Variants in MTR observed in about 807,000 individuals in gnomAD.
The protein encoded by MTR is 5-methyltetrahydrofolate-homocysteine methyltransferase.
In MTR, 84 loss-of-function variants were observed where a neutral mutation model predicts 154.8. The ratio of observed to expected loss-of-function variants is 0.54; its 90% confidence interval spans 0.45 to 0.65. MTR has a LOEUF of 0.65. MTR is among the 30% of genes least tolerant of loss of function. The pLI is 0.00. For missense variants in MTR, 1,275 were observed against 1,570.2 expected (o/e 0.81, Z 3.18); for synonymous variants, 554 against 553.9 (o/e 1.00, Z 0.00).
intron 12 of MTR, among the ~76,000 whole-genome samples, chr1:236,830,910 T>C (rs1662574342): frequency 6.6e-6 from 1 of 152,226 alleles, no homozygotes; most frequent in African/African-American, 2.4e-5. Context: ...CTGCCTCATA[T>C]CTGTTTCTTC....
chr1:236,815,632 T>C lies in MTR; in HGVS notation c.638T>C (p.Phe213Ser), dbSNP rs1365704680. ...KAALFALQNL[F>S]EEKYAPRPIF... Reference sequence around the variant, plus strand: ...GCCTTGTTTGCACTCCAAAATCTTTTTGAGGAGAAATATGCTCCCCGGCCT... The same window carrying C: ...GCCTTGTTTGCACTCCAAAATCTTTCTGAGGAGAAATATGCTCCCCGGCCT... The change falls in exon 7 of 33, where the codon TTT (phenylalanine) becomes TCT (serine). Residue 213 changes from phenylalanine to serine, a missense_variant. Phe to Ser is a radical substitution (Grantham distance 155). Transcript: ENST00000366577. The C allele has an allele frequency of 6.2e-7, 1 of 1,613,892 alleles. No individual in the cohort carries two copies.
intron 32 of MTR, 123 bp from the exon 33 acceptor site, chr1:236,897,435 C>G: frequency 1.0e-6 from 1 of 963,626 alleles, no homozygotes; most frequent in Non-Finnish European, 1.7e-6. Context: ...CCATTTAACT[C>G]TGTAGATTGC....
chr1:236,880,684 G>A (rs1009855342), intron 24 of MTR, 71 bp from the exon 25 acceptor site: 38 of 1,197,426 alleles, frequency 3.2e-5, no homozygotes, highest in Non-Finnish European at 4.5e-5. Flanking sequence ...ATCTCTAATG[G>A]CGCTGAACAA....
chr1:236,813,738 A>C (rs751831933), intron 6 of MTR, among the ~76,000 whole-genome samples: 4 of 151,954 alleles, frequency 2.6e-5, no homozygotes, highest in Non-Finnish European at 5.9e-5. Context: ...TGAGTCCTTT[A>C]CTGAGGAAAT....
intron 1 of MTR, among the ~76,000 whole-genome samples, chr1:236,802,237 AC>A (rs1293162922): frequency 6.6e-6 from 1 of 152,150 alleles, no homozygotes; most frequent in Non-Finnish European, 1.5e-5. Flanking sequence ...AGGAGATGAG[AC>A]AGAGAATATA....
intron 28 of MTR, among the ~76,000 whole-genome samples, chr1:236,890,779 G>A (rs1305055756): frequency 6.6e-6 from 1 of 152,236 alleles, no homozygotes; most frequent in African/African-American, 2.4e-5. Flanking sequence ...AGTCAGTGGA[G>A]TTGTATGTGC....
At chr1:236,831,194 TTAAATG>T (rs1456932260) in intron 12 of MTR, among the ~76,000 whole-genome samples, 1 of 152,180 alleles carries the variant, frequency 6.6e-6, no homozygotes, top group African/African-American at 2.4e-5. Context: ...TCCTAATACT[TTAAATG>T]TAATGAATAG....
intron 24 of MTR, among the ~76,000 whole-genome samples, chr1:236,880,029 C>T (rs551541061): frequency 7.2e-4 from 109 of 151,590 alleles, no homozygotes; most frequent in Non-Finnish European, 9.9e-4. Flanking sequence ...GGCATGGTGG[C>T]GGGTGCCTGT....
chr1:236,809,599 C>G (rs768910862), intron 4 of MTR, among the ~76,000 whole-genome samples: 11 of 152,320 alleles, frequency 7.2e-5, no homozygotes, highest in Non-Finnish European at 5.9e-5. Context: ...TCAGAGGACA[C>G]TGAACCAGCT....
At chr1:236,840,838 G>A (rs1477619596) in intron 15 of MTR, among the ~76,000 whole-genome samples, 3 of 152,118 alleles carry the variant, frequency 2.0e-5, no homozygotes, top group East Asian at 1.9e-4. Context: ...TTCATGCAGC[G>A]ATTTCCCCTT....
intron 5 of MTR, among the ~76,000 whole-genome samples, chr1:236,811,287 G>A (rs999770751): frequency 1.8e-4 from 28 of 152,088 alleles, no homozygotes; most frequent in African/African-American, 6.5e-4. Flanking sequence ...CTCACAACAC[G>A]CGGGAATTCA....
Position 236,816,563 on chromosome 1 carries a change from G to A in MTR, c.764+20G>A, listed in dbSNP as rs1308151046. 1 of 1,604,992 alleles carries A rather than the reference G, an allele frequency of 6.2e-7. No homozygotes were observed. Among genetic ancestry groups the A allele is most frequent in the East Asian group, 2.2e-5 (1 of 44,840 alleles). ...ACTCTGGTGAGTGATCCATCTTTCT[G>A]TAACTTCTTTTCTTTTTTGGGGAAC... On this transcript the variant is annotated intron_variant, in intron 8 of 32. Transcript: ENST00000366577.
intron 12 of MTR, 146 bp downstream of exon 12, chr1:236,829,414 G>T (rs545277835): frequency 5.2e-6 from 4 of 768,452 alleles, no homozygotes; most frequent in African/African-American, 5.2e-5. Context: ...ATGAATTCTA[G>T]TGAAGAACCC....
In MTR at chr1:236,808,751, C is replaced by T. The variant is rs575706892; in HGVS notation, c.387C>T (p.Ala129=). Reference sequence around the variant, plus strand: ...CTGCAGGAGTGGCCAGAAAAGCTGCCGAGGAGGTAACTCTCCAGACAGGTA... The same window carrying T: ...CTGCAGGAGTGGCCAGAAAAGCTGCTGAGGAGGTAACTCTCCAGACAGGTA... The part of the protein sequence containing the change: ...MCSAGVARKA[A]EEVTLQTGIK... Residue 129 remains alanine, a synonymous_variant, in exon 4 of 33, where the codon GCC becomes GCT. Transcript: ENST00000366577. The T allele has an allele frequency of 4.8e-5, 77 of 1,614,170 alleles. No homozygotes were observed. The East Asian group carries it at 1.1e-3, about 24-fold the overall frequency.
rs747724978 is a variant in MTR at position 236,803,528 on chromosome 1, G to A, written c.135G>A (p.Lys45=). 1.1e-5 allele frequency: 17 copies of A among 1,614,080 alleles called. No individual in the cohort carries two copies. The highest frequency in any genetic ancestry group is 1.4e-5 in the Non-Finnish European group (16 of 1,180,038). Residue 45 remains lysine (K), a synonymous_variant, in exon 2 of 33, where the codon AAG becomes AAA. Coordinates refer to ENST00000366577, the MANE Select transcript of MTR (RefSeq NM_000254.3). The part of the protein sequence containing the change: ...GGMGTMIQRE[K]LNEEHFRGQE... The stretch of plus-strand genomic sequence containing the variant: ...TGGGGACCATGATCCAGCGGGAGAA[G>A]CTAAACGAAGAACACTTCCGAGGTC...
At chr1:236,806,858 AGTTT>A (rs2103026300) in intron 3 of MTR, among the ~76,000 whole-genome samples, 1 of 152,210 alleles carries the variant, frequency 6.6e-6, no homozygotes, top group African/African-American at 2.4e-5. Flanking sequence ...TTTTGTGACT[AGTTT>A]GTTTCACTTA....
Position 236,808,416 on chromosome 1 carries a change from G to A in MTR, c.340-288G>A, listed in dbSNP as rs1438228650. On this transcript the variant is annotated intron_variant, in intron 3 of 32. Coordinates refer to ENST00000366577, the MANE Select transcript of MTR (RefSeq NM_000254.3). Reference sequence around the variant, plus strand: ...CTTAATTCTCAGAATATTTAACTACGTAAGTTATTCTCTGACATGCTAGAT... The same window carrying A: ...CTTAATTCTCAGAATATTTAACTACATAAGTTATTCTCTGACATGCTAGAT... Among the ~76,000 whole-genome samples the A allele has an allele frequency of 2.0e-5, 3 of 151,990 alleles. No individual in the cohort carries two copies. The East Asian group carries it at 5.8e-4, about 29-fold the overall frequency.
chr1:236,849,175 A>C (rs557158408), intron 15 of MTR, among the ~76,000 whole-genome samples: 1 of 152,336 alleles, frequency 6.6e-6, no homozygotes, highest in East Asian at 1.9e-4. Flanking sequence ...TTTGATCTGA[A>C]GACAGTTTCC....
chr1:236,870,451 G>A (rs1366631481), intron 22 of MTR, among the ~76,000 whole-genome samples: 1 of 152,182 alleles, frequency 6.6e-6, no homozygotes, highest in Non-Finnish European at 1.5e-5. Context: ...AAACTGTAAT[G>A]TACCTTCTTG....
Sources: allele counts gnomAD v4.1 joint callset (sites outside exome capture counted in the v4.1 genomes callset), GRCh38; gene constraint gnomAD v4.1.1; transcripts MANE v1.5; gene names NCBI Gene and HGNC (gene_info 2026-07-23, HGNC 2026-07-21).